The following COL5A3 variants were observed in gnomAD, a reference collection of about 807,000 sequenced individuals.
COL5A3 encodes collagen type V alpha 3 chain.
COL5A3 carries 172 observed loss-of-function variants against 250.0 expected under a neutral mutation model. That is an observed-to-expected ratio of 0.69 (90% CI 0.61 to 0.78). The LOEUF (loss-of-function observed/expected upper bound fraction) is 0.78. Among genes scored for constraint, COL5A3 ranks in the 30% least tolerant of loss-of-function variants. COL5A3 has a pLI of 0.00. For missense variants in COL5A3, 2,340 were observed against 2,334.4 expected (o/e 1.00, Z -0.05); for synonymous variants, 937 against 900.4 (o/e 1.04, Z -0.73).
intron 57 of COL5A3, chr19:9,969,031 C>T (rs1216465021): frequency 6.9e-6 from 4 of 581,234 alleles, no homozygotes; most frequent in African/African-American, 1.9e-5. Context: ...TCAGTGTAGA[C>T]CATCAAGGTG....
Position 9,986,329 on chromosome 19 carries a change from A to G in COL5A3, c.2338T>C (p.Ser780Pro). The change falls in exon 30 of 67, where the codon TCA (serine) becomes CCA (proline). Residue 780 changes from serine to proline, a missense_variant. By Grantham distance (74) the Ser-to-Pro change is moderately conservative. Transcript: ENST00000264828. The part of the protein sequence containing the change: ...GQAGEEGPPG[S>P]AGEKGKLGVP... ...GAGTCATTTACCTTCTCCCCAGCTG[A>G]GCCTGGGGGCCCCTCCTCGCCAGCC... 2.5e-6 allele frequency: 4 copies of G among 1,576,794 alleles called. No individual in the cohort carries two copies. The highest frequency in any genetic ancestry group is 3.4e-6 in the Non-Finnish European group (4 of 1,168,714).
chr19:9,985,936 T>A, intron 30 of COL5A3, 41 bp from the exon 31 acceptor site: 1 of 1,597,744 alleles, frequency 6.3e-7, no homozygotes, highest in Middle Eastern at 1.7e-4. Context: ...AATTGCAACC[T>A]GGAGGTCAGA....
At chr19:9,995,097 G>A (rs1476267342) in intron 16 of COL5A3, among the ~76,000 whole-genome samples, 1 of 151,968 alleles carries the variant, frequency 6.6e-6, no homozygotes, top group Non-Finnish European at 1.5e-5. Flanking sequence ...TAGTAGAGAC[G>A]GGGTTTCCCC....
chr19:9,993,112 C>T (rs577699263), intron 19 of COL5A3, 45 bp from the exon 20 acceptor site: 23 of 1,598,236 alleles, frequency 1.4e-5, no homozygotes, highest in East Asian at 6.7e-5. Flanking sequence ...GTACAACCCT[C>T]GGAGAGCCAC....
rs1481750986 is a variant in COL5A3, at chr19:9,983,596, GAA to G, written c.2407-1480_2407-1479del. Among the ~76,000 whole-genome samples, 141 of 89,586 alleles carry G rather than the reference GAA, an allele frequency of 1.6e-3. 5 individuals are homozygous for G. Among genetic ancestry groups the G allele is most frequent in the East Asian group, 0.011 (33 of 2,920 alleles). 58.8% of individuals were successfully genotyped at this position (89,586 alleles called of 152,430 possible). On this transcript the variant is annotated intron_variant, in intron 31 of 66. Coordinates refer to ENST00000264828, the MANE Select transcript of COL5A3 (RefSeq NM_015719.4). ...AGAAAGAAAGAAAGAAAGAAAGAAA[GAA>G]AGAGAAAGAGAGAGAGAGAGAAAGA...
chr19:9,982,530 T>C (rs865782062), intron 31 of COL5A3, among the ~76,000 whole-genome samples: 3 of 152,188 alleles, frequency 2.0e-5, no homozygotes, highest in African/African-American at 2.4e-5. Flanking sequence ...ATGACCCTTA[T>C]TGACTTATTT....
intron 32 of COL5A3, 88 bp downstream of exon 32, chr19:9,981,977 C>A (rs1057358753): frequency 9.9e-7 from 1 of 1,014,822 alleles, no homozygotes; most frequent in Admixed American, 1.7e-5. Flanking sequence ...CACAAACACC[C>A]AGGGTCCACC....
At chr19:9,997,837 C>A (rs556214905) in intron 10 of COL5A3, 147 bp downstream of exon 10, 2 of 752,172 alleles carry the variant, frequency 2.7e-6, no homozygotes, top group Non-Finnish European at 4.5e-6. Context: ...TTCATCCTCC[C>A]TATTTTGACT....
At position 9,996,047 on chromosome 19, in the gene COL5A3, C is replaced by T. The variant is rs1290528139; in HGVS notation, c.1533+19G>A. ...AAGGCTATTCCCATCCTATCCTGCC[C>T]TATCTCCACAAGTCTCACCTGTGGC... On this transcript the variant is annotated intron_variant, in intron 15 of 66. Transcript: ENST00000264828. The T allele has an allele frequency of 2.6e-6, 4 of 1,548,134 alleles. No homozygotes were observed. Among genetic ancestry groups the T allele is most frequent in the East Asian group, 4.5e-5 (2 of 44,156 alleles).
At position 9,979,344 on chromosome 19, in the gene COL5A3, T is replaced by G. The variant is rs757919301; in HGVS notation, c.2766+20A>C. On this transcript the variant is annotated intron_variant, in intron 38 of 66. Coordinates refer to ENST00000264828, the MANE Select transcript of COL5A3 (RefSeq NM_015719.4). ...CCCAACTGGTACAAAACAAGGGAGG[T>G]TTATGGAGTCCACTCTGACCTGAGG... 3 of 1,613,244 alleles carry G rather than the reference T, an allele frequency of 1.9e-6. No individual in the cohort carries two copies. Among genetic ancestry groups the G allele is most frequent in the Non-Finnish European group, 2.5e-6 (3 of 1,179,712 alleles).
At chr19:9,977,546 G>A in intron 42 of COL5A3, 48 bp downstream of exon 42, 1 of 1,526,316 alleles carries the variant, frequency 6.6e-7, no homozygotes, top group South Asian at 1.3e-5. Context: ...GATGTGGCAG[G>A]GCCAGACCCT....
chr19:9,973,172 C>G, intron 50 of COL5A3, 146 bp from the exon 51 acceptor site: 2 of 678,830 alleles, frequency 2.9e-6, no homozygotes, highest in South Asian at 2.2e-5. Flanking sequence ...GGTCAAAGGT[C>G]AGAAGGAGCT....
At chr19:9,967,858 G>A (rs941450087) in intron 61 of COL5A3, 46 bp downstream of exon 61, 2 of 1,586,496 alleles carry the variant, frequency 1.3e-6, no homozygotes, top group East Asian at 4.5e-5. Flanking sequence ...AGTGAAGGGG[G>A]TGGGGAGCTG....
At chr19:9,988,473 C>T (rs988825363) in intron 27 of COL5A3, among the ~76,000 whole-genome samples, 1 of 152,076 alleles carries the variant, frequency 6.6e-6, no homozygotes, top group Non-Finnish European at 1.5e-5. Flanking sequence ...CTCTATTTAG[C>T]CAGGTTGCAG....
chr19:10,001,738 G>A (rs1180497495), intron 7 of COL5A3, 30 bp downstream of exon 7: 2 of 1,613,162 alleles, frequency 1.2e-6, no homozygotes, highest in Non-Finnish European at 1.7e-6. Context: ...CGTAACCCTT[G>A]GGGTCTCCCC....
chr19:9,996,238 G>A lies in COL5A3; in HGVS notation c.1447C>T (p.Pro483Ser). The change falls in exon 14 of 67, where the codon CCA becomes TCA. Residue 483 changes from proline to serine, a missense_variant. This residue lies in a region of COL5A3 where 1,152 missense variants were observed against 1,146.3 expected (regional missense o/e 1.00). Coordinates refer to ENST00000264828, the MANE Select transcript of COL5A3 (RefSeq NM_015719.4). ...CCTGGGCGCCCAGTGAGCCCCACTG[G>A]ACCAGGGGGGCCTTTCATAGAGAGC... ...TQLSMKGPPG[P>S]VGLTGRPGPV... is the part of the protein sequence containing the mutation. 1 of 1,576,632 alleles carries A rather than the reference G, an allele frequency of 6.3e-7. No individual in the cohort carries two copies. The highest frequency in any genetic ancestry group is 8.6e-7 in the Non-Finnish European group (1 of 1,163,716).
At position 9,970,849 on chromosome 19, in the gene COL5A3, G is replaced by A. The variant is rs1245303248; in HGVS notation, c.3882+126C>T. On this transcript the variant is annotated intron_variant, in intron 53 of 66. Transcript: ENST00000264828. ...CACATTCCTGGGGGTCCCCAGAGAG[G>A]TGAAGCGGGAGCATCTGCAGGGGCC... The A allele has an allele frequency of 1.2e-5, 13 of 1,088,268 alleles. No individual in the cohort carries two copies. In the East Asian group the frequency reaches 2.8e-4, roughly 24 times the overall value. 67.4% of individuals were successfully genotyped at this position (1,088,268 alleles called of 1,614,324 possible).
chr19:9,991,732 T>A, intron 23 of COL5A3, 56 bp downstream of exon 23: 1 of 1,597,762 alleles, frequency 6.3e-7, no homozygotes, highest in Non-Finnish European at 8.5e-7. Flanking sequence ...CTGGTCACGG[T>A]CTAAGGTCTT....
rs79185120 is a variant in COL5A3, at chr19:9,960,910, G to T, written c.4852-20C>A. ...GGAGAACTGGTGAGAGGAGGGCAAG[G>T]CAGAGGATGAGGGGCTCCATGAGCC... On this transcript the variant is annotated intron_variant, in intron 65 of 66. Transcript: ENST00000264828. 3,802 of 1,598,780 alleles carry T rather than the reference G, an allele frequency of 2.4e-3. 65 individuals carry two copies. The highest frequency in any genetic ancestry group is 0.022 in the East Asian group (979 of 44,858).
Sources: allele counts gnomAD v4.1 joint callset (sites outside exome capture counted in the v4.1 genomes callset), GRCh38; gene constraint gnomAD v4.1.1; regional missense constraint gnomAD v4.1.1; transcripts MANE v1.5; gene names NCBI Gene and HGNC (gene_info 2026-07-23, HGNC 2026-07-21).